Variants in SPINK5 observed in about 807,000 individuals in gnomAD.
SPINK5 encodes the protein serine peptidase inhibitor Kazal type 5, also known as serine protease inhibitor Kazal-type 5.
In SPINK5, 125 loss-of-function variants were observed where a neutral mutation model predicts 151.8. That is an observed-to-expected ratio of 0.82 (90% CI 0.71 to 0.96). The LOEUF (loss-of-function observed/expected upper bound fraction) is 0.96. Among genes scored for constraint, SPINK5 ranks in the 40% least tolerant of loss-of-function variants. The pLI is 0.00. For synonymous variants in SPINK5, 374 were observed against 395.3 expected, an observed-to-expected ratio of 0.95 and a Z score of 0.64; for missense variants, 1,194 against 1,291.9, an observed-to-expected ratio of 0.92 and a Z score of 1.16.
rs1754167657 is a variant in SPINK5, at chr5:148,118,667, T to C, written c.2240+103T>C. 2.7e-6 allele frequency: 4 copies of C among 1,492,674 alleles called. 1 individual carries two copies. 92.5% of individuals were successfully genotyped at this position (1,492,674 alleles called of 1,614,324 possible). A position where few individuals can be genotyped will look rare whatever the true frequency, so the allele number is the denominator to read the frequency against. On this transcript the variant is annotated intron_variant, in intron 23 of 32. Transcript: ENST00000256084. ...TGGCTCCTTCCATGCAAATTATTCT[T>C]TTTGCTAATTTCCAAATATTCTATT...
chr5:148,066,423 C>T (rs376822607), intron 2 of SPINK5, among the ~76,000 whole-genome samples: 7 of 151,888 alleles, frequency 4.6e-5, no homozygotes, highest in African/African-American at 1.2e-4. Context: ...TCTCTGGCCA[C>T]GAACATTAAA....
intron 20 of SPINK5, among the ~76,000 whole-genome samples, chr5:148,113,290 TATATTA>T (rs113028623): frequency 0.15 from 23,146 of 152,010 alleles, 2,397 homozygotes; most frequent in East Asian, 0.32. Context: ...TCTGTTCCCA[TATATTA>T]ATATTAAGAT....
intron 10 of SPINK5, 111 bp downstream of exon 10, chr5:148,096,016 C>T: frequency 1.2e-6 from 1 of 865,394 alleles, no homozygotes; most frequent in South Asian, 1.4e-5. Context: ...TTAATATTTT[C>T]CACACTACTA....
chr5:148,112,730 G>A (rs1488770958), intron 19 of SPINK5, 138 bp from the exon 20 acceptor site: 13 of 1,376,904 alleles, frequency 9.4e-6, no homozygotes, highest in Non-Finnish European at 1.3e-5. Context: ...AGAGAGATGT[G>A]TGTTTACCTT....
chr5:148,106,082 T>C (rs1340315984), intron 16 of SPINK5, among the ~76,000 whole-genome samples: 2 of 152,096 alleles, frequency 1.3e-5, no homozygotes, highest in East Asian at 3.9e-4. Context: ...TCATTTAGAA[T>C]TGAAAATGTG....
chr5:148,086,064 T>C (rs181982141), intron 4 of SPINK5, among the ~76,000 whole-genome samples: 320 of 151,976 alleles, frequency 2.1e-3, no homozygotes, highest in African/African-American at 7.4e-3. Context: ...AGAGCTTTCA[T>C]ATCCGTAATC....
rs9791022 is a variant in SPINK5 at position 148,097,621 on chromosome 5, A to G, written c.883-246A>G. Among the ~76,000 whole-genome samples, 15,126 of 151,928 alleles carry G rather than the reference A, an allele frequency of 0.1. 1,019 individuals are homozygous for G. The highest frequency in any genetic ancestry group is 0.32 in the East Asian group (1,654 of 5,156). On this transcript the variant is annotated intron_variant, in intron 10 of 32. Transcript: ENST00000256084. ...TATATTGCAATTACTTATCTTTTCC[A>G]TTTGACTGATAAAGAACATAAATAT...
chr5:148,098,345 A>C (rs1302467171), intron 11 of SPINK5, among the ~76,000 whole-genome samples: 1 of 152,074 alleles, frequency 6.6e-6, no homozygotes, highest in Non-Finnish European at 1.5e-5. Flanking sequence ...GGTGATGCTT[A>C]ATGTAGAAAT....
Position 148,128,567 on chromosome 5 carries a change from C to T in SPINK5, c.2964+1488C>T, listed in dbSNP as rs536126507. 2.9e-3 allele frequency among the ~76,000 whole-genome samples: 442 copies of T among 152,136 alleles called. 1 individual carries two copies. Among genetic ancestry groups the T allele is most frequent in the Non-Finnish European group, 5.1e-3 (345 of 68,016 alleles). ...TTTCTGAGAGGGAGTCTTGCTCTTT[C>T]GCCCAGGCCGGAGTGCAGTGGCGCG... On this transcript the variant is annotated intron_variant, in intron 30 of 32. Coordinates refer to ENST00000256084, the MANE Select transcript of SPINK5 (RefSeq NM_006846.4).
chr5:148,097,496 G>A (rs1001594873), intron 10 of SPINK5, among the ~76,000 whole-genome samples: 1 of 151,878 alleles, frequency 6.6e-6, no homozygotes, highest in Admixed American at 6.6e-5. Flanking sequence ...ATATTCTCAA[G>A]ATAGAACTTA....
chr5:148,135,782 G>T (rs1754681333), intron 32 of SPINK5, among the ~76,000 whole-genome samples: 1 of 152,056 alleles, frequency 6.6e-6, no homozygotes, highest in African/African-American at 2.4e-5. Context: ...AGAAAGTCTG[G>T]AATCTCAAGA....
intron 32 of SPINK5, among the ~76,000 whole-genome samples, chr5:148,134,758 A>G (rs1248558054): frequency 6.6e-6 from 1 of 152,074 alleles, no homozygotes; most frequent in Non-Finnish European, 1.5e-5. Flanking sequence ...TAGTTTGATA[A>G]AATTATGTGT....
chr5:148,081,938 A>G (rs1753032116), intron 4 of SPINK5, among the ~76,000 whole-genome samples: 1 of 151,738 alleles, frequency 6.6e-6, no homozygotes, highest in Non-Finnish European at 1.5e-5. Context: ...TCTCAGACCA[A>G]TATATCAATT....
In SPINK5 at chr5:148,118,322, A is replaced by G; in HGVS notation, c.2113-115A>G. 4 of 1,451,126 alleles carry G rather than the reference A, an allele frequency of 2.8e-6. No individual in the cohort carries two copies. In the South Asian group the frequency reaches 4.2e-5, roughly 15 times the overall value. The allele number at this position is 1,451,126 out of a possible 1,614,324, so 89.9% of individuals were successfully genotyped here. ...ATGAGCCACCGTACCCGGCAATGTT[A>G]TGTTTCTTATAAAGAGAGGTGAAAG... On this transcript the variant is annotated intron_variant, in intron 22 of 32. Coordinates refer to ENST00000256084, the MANE Select transcript of SPINK5 (RefSeq NM_006846.4).
chr5:148,112,916 C>T lies in SPINK5; in HGVS notation c.1869C>T (p.Val623=). 2.5e-6 allele frequency: 4 copies of T among 1,613,736 alleles called. No homozygotes were observed. Among genetic ancestry groups the T allele is most frequent in the Non-Finnish European group, 3.4e-6 (4 of 1,179,862 alleles). The part of the protein sequence containing the change: ...EKERAEPRAK[V]KREAEKETCD... ...AAAGAGCTGAACCCAGAGCAAAAGT[C>T]AAAAGAGAAGCTGAAAAGGTAGTAA... Residue 623 remains valine, a synonymous_variant, in exon 20 of 33, where the codon GTC becomes GTT. Transcript: ENST00000256084.
chr5:148,114,615 G>T, intron 21 of SPINK5, 126 bp downstream of exon 21: 1 of 1,383,642 alleles, frequency 7.2e-7, no homozygotes, highest in Non-Finnish European at 1.0e-6. Context: ...TATCTGTAAA[G>T]CATTTGAAAT....
intron 2 of SPINK5, chr5:148,065,614 A>G (rs1386949566): frequency 4.0e-6 from 2 of 494,004 alleles, no homozygotes; most frequent in East Asian, 3.1e-5. Context: ...GAGGCAATTT[A>G]TCATGTTAAA....
At chr5:148,100,305 T>C in intron 12 of SPINK5, 149 bp from the exon 13 acceptor site, 1 of 859,912 alleles carries the variant, frequency 1.2e-6, no homozygotes, top group Non-Finnish European at 1.8e-6. Context: ...TTTCTTGTTG[T>C]CAAATTGAAT....
At chr5:148,119,969 T>TA in intron 24 of SPINK5, 40 bp from the exon 25 acceptor site, 1 of 1,610,190 alleles carries the variant, frequency 6.2e-7, no homozygotes. Context: ...AAATATTATG[T>TA]AAAAACAGCA....
Sources: allele counts gnomAD v4.1 joint callset (sites outside exome capture counted in the v4.1 genomes callset), GRCh38; gene constraint gnomAD v4.1.1; transcripts MANE v1.5; gene names NCBI Gene and HGNC (gene_info 2026-07-23, HGNC 2026-07-21).